Variants in IVNS1ABP observed in about 807,000 individuals in gnomAD.
IVNS1ABP encodes influenza virus NS1A-binding protein.
Under a neutral mutation model 78.9 loss-of-function variants are expected in IVNS1ABP, and 25 were observed. The ratio of observed to expected loss-of-function variants is 0.32; its 90% CI spans 0.23 to 0.44. IVNS1ABP has a LOEUF of 0.44. Among genes scored for constraint, IVNS1ABP ranks in the 20% least tolerant of loss-of-function variants. The pLI, the probability that IVNS1ABP is intolerant of heterozygous loss-of-function variation, is 1.00. For synonymous variants in IVNS1ABP, 241 were observed against 259.7 expected (o/e 0.93, Z 0.69); for missense variants, 494 against 768.9 (o/e 0.64, Z 4.23).
chr1:185,307,477 T>G lies in IVNS1ABP; in HGVS notation c.531+12A>C. On this transcript the variant is annotated intron_variant, in intron 6 of 14. Coordinates refer to ENST00000367498, the MANE Select transcript of IVNS1ABP (RefSeq NM_006469.5). ...AGATAGTATATATCTGTTTATAGAC[T>G]TTACTCCTTACCTTTAGCCTTGGAA... 1 of 1,605,538 alleles carries G rather than the reference T, an allele frequency of 6.2e-7. No homozygotes were observed. The highest frequency in any genetic ancestry group is 8.5e-7 in the Non-Finnish European group (1 of 1,174,572).
At position 185,305,596 on chromosome 1, in the gene IVNS1ABP, G is replaced by T; in HGVS notation, c.705C>A (p.Asn235Lys). 6.2e-7 allele frequency: 1 copy of T among 1,613,290 alleles called. No homozygotes were observed. The highest frequency in any genetic ancestry group is 8.5e-7 in the Non-Finnish European group (1 of 1,179,580). ...ACACCTCAGCCTGTCCATCTAGTAG[G>T]TTCCCATCAAGCAGCTTGTGATCAG... Reference protein sequence around the residue: ...YSADHKLLDGNLLDGQAEVFG... With the variant: ...YSADHKLLDGKLLDGQAEVFG... Residue 235 changes from asparagine to lysine, a missense_variant, in exon 8 of 15, where the codon AAC becomes AAA. By Grantham distance (94) the Asn-to-Lys change is moderately conservative. Transcript: ENST00000367498. This position sits in a 1 kb window ranked among gnomAD's most constrained non-coding sequence, Gnocchi z 4.0.
Position 185,300,479 on chromosome 1 carries a change from G to A in IVNS1ABP, c.1200C>T (p.Pro400=), listed in dbSNP as rs1334930610. The A allele has an allele frequency of 6.2e-7, 1 of 1,613,588 alleles. No homozygotes were observed. The highest frequency in any genetic ancestry group is 2.2e-5 in the East Asian group (1 of 44,886). The part of the protein sequence containing the change: ...PHTDHWSFLA[P]MRTPRARFQM... Reference sequence around the variant, plus strand: ...GAAATCGGGCTCTTGGTGTTCTCATGGGAGCAAGAAAGGACCAGTGATCTG... The same window carrying A: ...GAAATCGGGCTCTTGGTGTTCTCATAGGAGCAAGAAAGGACCAGTGATCTG... The change falls in exon 11 of 15, where the codon CCC becomes CCT. Residue 400 remains proline, a synonymous_variant. Coordinates refer to ENST00000367498, the MANE Select transcript of IVNS1ABP (RefSeq NM_006469.5).
chr1:185,300,551 A>G lies in IVNS1ABP; in HGVS notation c.1128T>C (p.Tyr376=), dbSNP rs1267824934. The change falls in exon 11 of 15, where the codon TAT becomes TAC. Residue 376 remains tyrosine, a synonymous_variant. Transcript: ENST00000367498. ...CTGTTCGAAGACATTCCTCTCTGTTATAGCCACCTGGTAAAAAATAAAACC... is the reference window on the plus strand; with the variant it reads ...CTGTTCGAAGACATTCCTCTCTGTTGTAGCCACCTGGTAAAAAATAAAACC... ...MNGKLIAAGG[Y]NREECLRTVE... is the part of the protein sequence containing the mutation. The G allele has an allele frequency of 6.2e-7, 1 of 1,612,822 alleles. No homozygotes were observed. The highest frequency in any genetic ancestry group is 2.2e-5 in the East Asian group (1 of 44,876).
intron 1 of IVNS1ABP, among the ~76,000 whole-genome samples, chr1:185,315,066 C>T (rs925026791): frequency 2.6e-5 from 4 of 152,182 alleles, no homozygotes; most frequent in African/African-American, 4.8e-5. Flanking sequence ...CTTCAATCTA[C>T]ACACACACTA....
intron 1 of IVNS1ABP, among the ~76,000 whole-genome samples, 161 bp downstream of exon 1, chr1:185,316,792 G>T (rs951268234): frequency 2.0e-5 from 3 of 152,144 alleles, no homozygotes; most frequent in African/African-American, 4.8e-5. Flanking sequence ...CGGGCTTCAC[G>T]TCCCAGAGGG....
Position 185,309,190 on chromosome 1 carries a change from T to C in IVNS1ABP, c.112-18A>G. 1 of 1,456,520 alleles carries C rather than the reference T, an allele frequency of 6.9e-7. No homozygotes were observed. The highest frequency in any genetic ancestry group is 9.3e-7 in the Non-Finnish European group (1 of 1,070,010). 90.2% of individuals were successfully genotyped at this position (1,456,520 alleles called of 1,614,324 possible). A position where few individuals can be genotyped will look rare whatever the true frequency, so the allele number is the denominator to read the frequency against. On this transcript the variant is annotated intron_variant, in intron 3 of 14. Transcript: ENST00000367498. ...CCACAGACCTGAAATTATGAAGAAT[T>C]ATAATTATAAGTATTGTGGATTATG...
chr1:185,301,299 TCTGCTCTCG>T, intron 9 of IVNS1ABP, 103 bp from the exon 10 acceptor site: 20 of 1,410,460 alleles, frequency 1.4e-5, no homozygotes, highest in Non-Finnish European at 2.0e-5. Context: ...ACTGGAACAA[TCTGCTCTCG>T]TTTTCCAAAT....
intron 1 of IVNS1ABP, among the ~76,000 whole-genome samples, chr1:185,314,451 G>T (rs1665961362): frequency 6.6e-6 from 1 of 152,150 alleles, no homozygotes; most frequent in African/African-American, 2.4e-5. Flanking sequence ...AAGGAAAAAA[G>T]GTATGATAGC....
rs1430873922 is a variant in IVNS1ABP at position 185,305,232 on chromosome 1, AAAC to A, written c.765+301_765+303del. On this transcript the variant is annotated intron_variant, in intron 8 of 14. Coordinates refer to ENST00000367498, the MANE Select transcript of IVNS1ABP (RefSeq NM_006469.5). This position sits in a 1 kb window ranked among gnomAD's most constrained non-coding sequence, Gnocchi z 4.0. ...AAAAACTATCAGTCATGCCTGACAC[AAAC>A]AACTGCTTTTCATAATCTTCCCAAA... 2.0e-5 allele frequency among the ~76,000 whole-genome samples: 3 copies of A among 152,204 alleles called. No individual in the cohort carries two copies. Among genetic ancestry groups the A allele is most frequent in the Non-Finnish European group, 4.4e-5 (3 of 68,030 alleles).
chr1:185,301,895 A>G (rs899266929), intron 8 of IVNS1ABP, among the ~76,000 whole-genome samples: 2 of 152,182 alleles, frequency 1.3e-5, no homozygotes, highest in Admixed American at 6.6e-5. Context: ...GAATCTTTTA[A>G]AAGAATGCTA....
intron 2 of IVNS1ABP, among the ~76,000 whole-genome samples, chr1:185,310,117 G>A (rs565414148): frequency 2.0e-5 from 3 of 152,196 alleles, no homozygotes; most frequent in Non-Finnish European, 2.9e-5. Flanking sequence ...CTGTATCTAC[G>A]AAATTATTTT....
intron 12 of IVNS1ABP, 36 bp from the exon 13 acceptor site, chr1:185,300,166 TTTAA>T (rs1281482972): frequency 2.5e-6 from 4 of 1,604,506 alleles, no homozygotes; most frequent in African/African-American, 1.3e-5. Flanking sequence ...ATATTGATAA[TTTAA>T]TTATCATATT....
At chr1:185,312,188 C>T (rs765486017) in intron 1 of IVNS1ABP, among the ~76,000 whole-genome samples, 18 of 152,112 alleles carry the variant, frequency 1.2e-4, no homozygotes, top group Non-Finnish European at 1.8e-4. Context: ...TAATAAACTA[C>T]CAATGGAATC....
At chr1:185,310,019 T>C (rs1452940999) in intron 2 of IVNS1ABP, among the ~76,000 whole-genome samples, 4 of 152,214 alleles carry the variant, frequency 2.6e-5, no homozygotes, top group South Asian at 4.1e-4. Flanking sequence ...CAAAATTATA[T>C]ATAATCAAGA....
intron 7 of IVNS1ABP, 21 bp downstream of exon 7, chr1:185,306,993 C>A: frequency 6.2e-7 from 1 of 1,609,598 alleles, no homozygotes; most frequent in Non-Finnish European, 8.5e-7. Context: ...ATGGTTGAAT[C>A]CCATTTACTT....
In IVNS1ABP at chr1:185,307,618, G is replaced by A; in HGVS notation, c.402C>T (p.Cys134=). ...YLLSRMDVTS[C]ISYRNFASCM... ...AACTTGCAAAATTTCGGTAAGAGAT[G>A]CAGCTGGTAACATCCATTCTAGACA... The change falls in exon 6 of 15, where the codon TGC becomes TGT. Residue 134 remains cysteine (C), a synonymous_variant. Transcript: ENST00000367498. The A allele has an allele frequency of 6.2e-7, 1 of 1,613,636 alleles. No homozygotes were observed. The highest frequency in any genetic ancestry group is 8.5e-7 in the Non-Finnish European group (1 of 1,179,656).
chr1:185,300,961 T>G lies in IVNS1ABP; in HGVS notation c.1120+11A>C, dbSNP rs1244402863. On this transcript the variant is annotated intron_variant, in intron 10 of 14. Coordinates refer to ENST00000367498, the MANE Select transcript of IVNS1ABP (RefSeq NM_006469.5). ...CTACATGCTTAGCCAGTTGAATGCT[T>G]CTGTTCTTACCTGCAGCTATGAGTT... is the stretch of plus-strand genomic sequence containing the variant. 2 of 1,610,058 alleles carry G rather than the reference T, an allele frequency of 1.2e-6. No homozygotes were observed. Among genetic ancestry groups the G allele is most frequent in the South Asian group, 1.1e-5 (1 of 90,930 alleles).
At chr1:185,303,629 A>T (rs1021980198) in intron 8 of IVNS1ABP, among the ~76,000 whole-genome samples, 1 of 152,064 alleles carries the variant, frequency 6.6e-6, no homozygotes, top group Admixed American at 6.6e-5. Flanking sequence ...ATAAATGTCT[A>T]TTTATATATA....
rs375226149 is a variant in IVNS1ABP, at chr1:185,314,181, C to G, written c.-247+2772G>C. On this transcript the variant is annotated intron_variant, in intron 1 of 14. Transcript: ENST00000367498. ...ATCTTTTTAAAACCAGAAGTTACAG[C>G]TTTCCAAAGTAACCTCTAAAACCAC... Among the ~76,000 whole-genome samples the G allele has an allele frequency of 1.9e-4, 29 of 152,174 alleles. No homozygotes were observed. In the East Asian group the frequency reaches 2.3e-3, roughly 12 times the overall value.
Sources: gnomAD v4.1 joint callset for allele counts (sites outside exome capture counted in the v4.1 genomes callset) on GRCh38, gnomAD v4.1.1 for gene constraint, Gnocchi (gnomAD v3.1) non-coding constraint, MANE v1.5 for transcripts, NCBI Gene and HGNC (gene_info 2026-07-23, HGNC 2026-07-21) for gene names.